The following MACF1 variants were observed in gnomAD, a reference collection of about 807,000 sequenced individuals.
The protein encoded by MACF1 is microtubule actin crosslinking factor 1.
MACF1 carries 193 observed loss-of-function variants against 854.8 expected under a neutral mutation model. That is an observed-to-expected ratio of 0.23 (90% CI 0.20 to 0.25). The LOEUF (loss-of-function observed/expected upper bound fraction) is 0.25. Ranked by LOEUF, MACF1 falls within the 10% of genes least tolerant of loss-of-function variation. MACF1 has a pLI of 1.00. For synonymous variants in MACF1, 3,185 were observed against 3,226.7 expected, an observed-to-expected ratio of 0.99 and a Z score of 0.44; for missense variants, 7,722 against 8,929.1, an observed-to-expected ratio of 0.86 and a Z score of 5.45.
chr1:39,096,954 G>A (rs1641953291), intron 2 of MACF1, among the ~76,000 whole-genome samples: 1 of 144,794 alleles, frequency 6.9e-6, no homozygotes. Flanking sequence ...TCGGCTCACT[G>A]CAACCTCTGC....
chr1:39,413,183 G>A (rs1202440676), intron 58 of MACF1: 3 of 1,613,410 alleles, frequency 1.9e-6, no homozygotes, highest in Non-Finnish European at 2.5e-6. Context: ...ACACCAGAAG[G>A]GCCTGTCACC....
intron 96 of MACF1, among the ~76,000 whole-genome samples, chr1:39,468,957 G>A (rs1040072649): frequency 6.6e-6 from 1 of 152,178 alleles, no homozygotes; most frequent in African/African-American, 2.4e-5. Context: ...CTAGAGGAAT[G>A]CAGTAATGAG....
rs1308241425 is a variant in MACF1, at chr1:39,434,441, T to C, written c.17593T>C (p.Tyr5865His). Residue 5865 changes from tyrosine (Y) to histidine (H), a missense_variant, in exon 69 of 101, where the codon TAT becomes CAT. By Grantham distance (83) the Tyr-to-His change is moderately conservative. This residue lies in a region of MACF1 where 2,807 missense variants were observed against 3,235.8 expected (regional missense o/e 0.87). Transcript: ENST00000564288. ...QEKTESLIQQ[Y>H]EAISLLNSER... The stretch of plus-strand genomic sequence containing the variant: ...AAAGACAGAGTCTCTAATACAGCAA[T>C]ATGAAGCCATTAGCCTACTCAATTC... 2 of 1,571,078 alleles carry C rather than the reference T, an allele frequency of 1.3e-6. No individual in the cohort carries two copies. Among genetic ancestry groups the C allele is most frequent in the Non-Finnish European group, 1.7e-6 (2 of 1,150,920 alleles).
At chr1:39,446,389 ATATAT>A (rs1340090510) in intron 80 of MACF1, among the ~76,000 whole-genome samples, 1 of 151,894 alleles carries the variant, frequency 6.6e-6, no homozygotes, top group Non-Finnish European at 1.5e-5. Flanking sequence ...GGAACTTGTA[ATATAT>A]TAATTTCTAA....
chr1:39,183,718 T>A (rs1644132666), intron 2 of MACF1, among the ~76,000 whole-genome samples: 1 of 152,138 alleles, frequency 6.6e-6, no homozygotes, highest in Non-Finnish European at 1.5e-5. Flanking sequence ...AGTAGGCAGT[T>A]TCCCAGCCCC....
intron 51 of MACF1, among the ~76,000 whole-genome samples, chr1:39,370,885 TTC>T (rs1358261791): frequency 1.3e-5 from 2 of 152,286 alleles, no homozygotes; most frequent in East Asian, 3.9e-4. Flanking sequence ...CTCCTAATAC[TTC>T]TACTTGCTAA....
intron 58 of MACF1, among the ~76,000 whole-genome samples, chr1:39,393,188 A>ATATATATATAT (rs1365389099): frequency 1.4e-4 from 12 of 88,184 alleles, no homozygotes; most frequent in African/African-American, 7.5e-4. Flanking sequence ...GGGTAAAAAA[A>ATATATATATAT]AAAAAAAAAT....
intron 43 of MACF1, among the ~76,000 whole-genome samples, chr1:39,351,228 C>A (rs1210753251): frequency 1.3e-5 from 2 of 152,120 alleles, no homozygotes; most frequent in African/African-American, 4.8e-5. Context: ...CTTACTGCAA[C>A]CTCTGCCTGC....
chr1:39,109,113 T>C lies in MACF1; in HGVS notation c.220+24675T>C, dbSNP rs79234006. ...TGTTGTGGGCTCCAGTCCTAGTTTT[T>C]GCCAGTTAATTTCTACTGTGTGACC... On this transcript the variant is annotated intron_variant, in intron 2 of 93. Transcript: ENST00000361689. Among the ~76,000 whole-genome samples, 5 of 152,356 alleles carry C rather than the reference T, an allele frequency of 3.3e-5. No homozygotes were observed. In the East Asian group the frequency reaches 9.6e-4, roughly 29 times the overall value.
Position 39,475,817 on chromosome 1 carries a change from A to G in MACF1, c.21959-3981A>G, listed in dbSNP as rs556067064. Among the ~76,000 whole-genome samples, 341 of 152,168 alleles carry G rather than the reference A, an allele frequency of 2.2e-3. 1 individual carries two copies. The highest frequency in any genetic ancestry group is 0.011 in the South Asian group (54 of 4,824). On this transcript the variant is annotated intron_variant, in intron 97 of 100. Transcript: ENST00000564288. ...AATATATTTGGAGTTGGGTGTGACT[A>G]TAATGGTAGCACTGAAGCCTCAGTG...
intron 2 of MACF1, among the ~76,000 whole-genome samples, chr1:39,232,763 T>C (rs75011460): frequency 6.8e-6 from 1 of 147,200 alleles, no homozygotes; most frequent in Admixed American, 6.6e-5. Context: ...TTTTTTTTTT[T>C]TTTTTGTTTG....
Position 39,453,791 on chromosome 1 carries a change from C to A in MACF1, c.20827C>A (p.Pro6943Thr). 6.2e-7 allele frequency: 1 copy of A among 1,614,150 alleles called. No homozygotes were observed. The highest frequency in any genetic ancestry group is 1.3e-5 in the African/African-American group (1 of 75,020). Residue 6943 changes from proline (P) to threonine (T), a missense_variant, in exon 88 of 101, where the codon CCC (proline) becomes ACC (threonine). Coordinates refer to ENST00000564288, the MANE Select transcript of MACF1 (RefSeq NM_001394062.1). Reference protein sequence around the residue: ...MGEVILAVCHPDCITTIKHWI... With the variant: ...MGEVILAVCHTDCITTIKHWI... ...AGAAGTCATCCTGGCTGTCTGCCAC[C>A]CCGATTGCATCACAACCATCAAACA...
chr1:39,344,184 T>A (rs906466142), intron 40 of MACF1, among the ~76,000 whole-genome samples: 1 of 151,726 alleles, frequency 6.6e-6, no homozygotes, highest in African/African-American at 2.4e-5. Context: ...CCCAACACTT[T>A]GGGAGGCGAA....
chr1:39,384,398 T>C (rs939710123), intron 56 of MACF1, among the ~76,000 whole-genome samples: 1 of 152,222 alleles, frequency 6.6e-6, no homozygotes, highest in South Asian at 2.1e-4. Context: ...TTCTATAAAT[T>C]ATCTCATTTA....
intron 23 of MACF1, among the ~76,000 whole-genome samples, chr1:39,305,713 C>T (rs1170658412): frequency 6.6e-6 from 1 of 152,208 alleles, no homozygotes; most frequent in Non-Finnish European, 1.5e-5. Flanking sequence ...CCTCTCTGAA[C>T]TCATCCTCTG....
intron 2 of MACF1, among the ~76,000 whole-genome samples, chr1:39,109,717 A>G (rs1642346021): frequency 6.6e-6 from 1 of 152,162 alleles, no homozygotes; most frequent in South Asian, 2.1e-4. Flanking sequence ...CAGATGAATA[A>G]ATTTAGGCAC....
intron 22 of MACF1, 99 bp from the exon 23 acceptor site, chr1:39,302,824 AT>A (rs1451181867): frequency 1.7e-6 from 2 of 1,196,350 alleles, no homozygotes; most frequent in African/African-American, 1.5e-5. Context: ...TCTTAAGCAG[AT>A]TTTTTTCTTA....
At chr1:39,277,815 T>C (rs1440742745) in intron 6 of MACF1, among the ~76,000 whole-genome samples, 1 of 152,216 alleles carries the variant, frequency 6.6e-6, no homozygotes, top group African/African-American at 2.4e-5. Context: ...GCTGTGTTTT[T>C]TTATTTTGAG....
At chr1:39,260,134 G>T (rs1450407259) in intron 6 of MACF1, among the ~76,000 whole-genome samples, 4 of 151,898 alleles carry the variant, frequency 2.6e-5, no homozygotes, top group Non-Finnish European at 5.9e-5. Flanking sequence ...AAATCAAATA[G>T]CTCCATCTTT....
Sources: allele counts gnomAD v4.1 joint callset (sites outside exome capture counted in the v4.1 genomes callset), GRCh38; gene constraint gnomAD v4.1.1; regional missense constraint gnomAD v4.1.1; transcripts MANE v1.5; gene names NCBI Gene and HGNC (gene_info 2026-07-23, HGNC 2026-07-21).